Variants in TYROBP observed in about 807,000 individuals in gnomAD.
TYROBP encodes TYRO protein tyrosine kinase-binding protein.
Under a neutral mutation model 17.1 loss-of-function variants are expected in TYROBP, and 14 were observed. The observed-to-expected ratio is 0.82, with a 90% CI of 0.54 to 1.28. The LOEUF (loss-of-function observed/expected upper bound fraction) is 1.28. Among genes scored for constraint, TYROBP ranks in the 50% most tolerant of loss-of-function variants. TYROBP has a pLI of 0.00. For synonymous variants in TYROBP, 73 were observed against 67.4 expected (o/e 1.08, Z -0.41); for missense variants, 161 against 151.4 (o/e 1.06, Z -0.33).
At chr19:35,907,709 G>A in intron 2 of TYROBP, 21 bp downstream of exon 2, 6 of 1,614,080 alleles carry the variant, frequency 3.7e-6, no homozygotes, top group Non-Finnish European at 5.1e-6. Context: ...TAGAGAGAGG[G>A]ACTGCTGGGT....
intron 3 of TYROBP, 34 bp downstream of exon 3, chr19:35,907,412 A>C (rs1202768364): frequency 1.2e-6 from 2 of 1,606,904 alleles, no homozygotes; most frequent in Non-Finnish European, 8.5e-7. Flanking sequence ...CATCTAGGCA[A>C]GTCCTCAGGA....
At chr19:35,908,069 C>T in intron 1 of TYROBP, 99 bp downstream of exon 1, 1 of 1,112,860 alleles carries the variant, frequency 9.0e-7, no homozygotes, top group Non-Finnish European at 1.3e-6. Context: ...GCTCCCATCC[C>T]AACACCCACT....
intron 4 of TYROBP, among the ~76,000 whole-genome samples, chr19:35,906,806 C>T (rs1975736007): frequency 6.6e-6 from 1 of 151,426 alleles, no homozygotes; most frequent in Non-Finnish European, 1.5e-5. Context: ...TGGCTCACTG[C>T]AACCTCCGCC....
At chr19:35,907,130 T>A (rs1176470355) in intron 4 of TYROBP, 88 bp downstream of exon 4, 9 of 1,351,700 alleles carry the variant, frequency 6.7e-6, no homozygotes, top group Non-Finnish European at 9.3e-6. Context: ...AGAGTGGCTT[T>A]GAGGTCCCTC....
In TYROBP at chr19:35,907,447, C is replaced by T. The variant is rs545730787; in HGVS notation, c.228G>A (p.Glu76=). 2 of 1,613,240 alleles carry T rather than the reference C, an allele frequency of 1.2e-6. No individual in the cohort carries two copies. Among genetic ancestry groups the T allele is most frequent in the Admixed American group, 1.7e-5 (1 of 60,002 alleles). ...ATGTCCCCTGCTAGCCCCACTCACC[C>T]TCCGCAGCCCCTCGCCCCCGAGGGA... The part of the protein sequence containing the change: ...RLVPRGRGAA[E]AATRKQRITE... The change falls in exon 3 of 5, where the codon GAG becomes GAA. Residue 76 remains glutamate (E), a splice_region_variant and synonymous_variant. Transcript: ENST00000262629.
chr19:35,907,260 C>T lies in TYROBP; in HGVS notation c.234G>A (p.Ala78=), dbSNP rs866035990. 1.8e-5 allele frequency: 29 copies of T among 1,609,894 alleles called. No homozygotes were observed. The East Asian group carries it at 6.0e-4, about 33-fold the overall frequency. The part of the protein sequence containing the change: ...VPRGRGAAEA[A]TRKQRITETE... ...TCTCAGTGATACGCTGTTTCCGGGT[C>T]GCTGCTGGAGGTGAGGGGTGTTGTG... Residue 78 remains alanine, a synonymous_variant, in exon 4 of 5, where the codon GCG becomes GCA. Coordinates refer to ENST00000262629, the MANE Select transcript of TYROBP (RefSeq NM_003332.4).
At chr19:35,907,642 G>A (rs1055564821) in intron 2 of TYROBP, 62 bp from the exon 3 acceptor site, 65 of 1,612,776 alleles carry the variant, frequency 4.0e-5, no homozygotes, top group Middle Eastern at 1.6e-4. Flanking sequence ...GGGGGTCAGC[G>A]GCAGGGAGGT....
rs865968843 is a variant in TYROBP, at chr19:35,907,771, G to A, written c.62-9C>T. The A allele has an allele frequency of 6.2e-7, 1 of 1,613,628 alleles. No individual in the cohort carries two copies. The highest frequency in any genetic ancestry group is 8.5e-7 in the Non-Finnish European group (1 of 1,179,872). On this transcript the variant is annotated splice_polypyrimidine_tract_variant and intron_variant, in intron 1 of 4. Transcript: ENST00000262629. ...CTGGACAGGACGGAGACCTGAGGAG[G>A]AAAAAGAAGGTAAACTGAGGCACAG... is the stretch of plus-strand genomic sequence containing the variant.
chr19:35,904,466 A>T lies in TYROBP; in HGVS notation c.*103T>A, dbSNP rs777094340. 2.8e-4 allele frequency: 338 copies of T among 1,217,780 alleles called. No individual in the cohort carries two copies. The highest frequency in any genetic ancestry group is 1.5e-4 in the Non-Finnish European group (126 of 839,060). The allele number at this position is 1,217,780 out of a possible 1,614,324, so 75.4% of individuals were successfully genotyped here. A position where few individuals can be genotyped will look rare whatever the true frequency, so the allele number is the denominator to read the frequency against. The stretch of plus-strand genomic sequence containing the variant: ...AGCGGTCTGGTCTCTCAGGGATGGC[A>T]CTCTGTGGGTCTGTATCGCGGTAGG... On this transcript the variant is annotated 3_prime_UTR_variant, in exon 5 of 5. Coordinates refer to ENST00000262629, the MANE Select transcript of TYROBP (RefSeq NM_003332.4).
At chr19:35,907,385 ACCCAGCCC>A in intron 3 of TYROBP, 53 bp downstream of exon 3, 1 of 1,134,104 alleles carries the variant, frequency 8.8e-7, no homozygotes, top group Non-Finnish European at 1.3e-6. Flanking sequence ...CTGGGAGTTT[ACCCAGCCC>A]CCCACCCCCA....
intron 4 of TYROBP, among the ~76,000 whole-genome samples, chr19:35,904,977 A>G (rs1283178037): frequency 6.6e-6 from 1 of 151,086 alleles, no homozygotes; most frequent in Non-Finnish European, 1.5e-5. Flanking sequence ...AAAAAAAAAA[A>G]AGCCTGTTTA....
At position 35,904,646 on chromosome 19, in the gene TYROBP, G is replaced by T; in HGVS notation, c.277-12C>A. 6.2e-7 allele frequency: 1 copy of T among 1,611,288 alleles called. No individual in the cohort carries two copies. On this transcript the variant is annotated splice_polypyrimidine_tract_variant and intron_variant, in intron 4 of 4. Transcript: ENST00000262629. The stretch of plus-strand genomic sequence containing the variant: ...TGACCCTGGAGCTCCTAAAGGAATG[G>T]GGGCCATCAGTGGAAGGGACCCACC...
In TYROBP at chr19:35,907,327, T is replaced by A. The variant is rs911131203; in HGVS notation, c.230-63A>T. ...AGAGTGGTGAGTTGAGGGTGTTTTG[T>A]CATTCCAAATCAGCACCTCCATTAC... is the stretch of plus-strand genomic sequence containing the variant. On this transcript the variant is annotated intron_variant, in intron 3 of 4. Transcript: ENST00000262629. The A allele has an allele frequency of 1.9e-6, 3 of 1,607,776 alleles. No individual in the cohort carries two copies. In the African/African-American group the frequency reaches 4.0e-5, roughly 22 times the overall value.
chr19:35,907,210 T>C lies in TYROBP; in HGVS notation c.276+8A>G, dbSNP rs748268148. 1 of 1,598,914 alleles carries C rather than the reference T, an allele frequency of 6.3e-7. No homozygotes were observed. The highest frequency in any genetic ancestry group is 2.2e-5 in the East Asian group (1 of 44,520). On this transcript the variant is annotated splice_region_variant and intron_variant, in intron 4 of 4. Coordinates refer to ENST00000262629, the MANE Select transcript of TYROBP (RefSeq NM_003332.4). ...TGAAATGTGAGGAGGACAGTCTGGT[T>C]TTCTCACCTGATAAGGCGACTCGGT...
intron 4 of TYROBP, among the ~76,000 whole-genome samples, chr19:35,906,283 G>A (rs973561587): frequency 2.0e-5 from 3 of 151,982 alleles, no homozygotes; most frequent in African/African-American, 7.2e-5. Context: ...TAGAGATGGG[G>A]TTTCACCATC....
At chr19:35,907,632 G>T (rs1328265312) in intron 2 of TYROBP, 52 bp from the exon 3 acceptor site, 12 of 1,613,278 alleles carry the variant, frequency 7.4e-6, no homozygotes, top group Non-Finnish European at 8.5e-7. Flanking sequence ...CTGTGGGGAG[G>T]GGGGTCAGCG....
At chr19:35,906,297 G>A (rs946879164) in intron 4 of TYROBP, among the ~76,000 whole-genome samples, 7 of 151,984 alleles carry the variant, frequency 4.6e-5, no homozygotes, top group African/African-American at 7.2e-5. Flanking sequence ...CACCATCCTG[G>A]CCTGGCTGGT....
intron 4 of TYROBP, 125 bp downstream of exon 4, chr19:35,907,093 C>G (rs775440010): frequency 8.7e-6 from 8 of 918,830 alleles, no homozygotes; most frequent in Non-Finnish European, 1.2e-5. Context: ...GTCCCATGTG[C>G]CTTCAAGGTT....
In TYROBP at chr19:35,904,493, G is replaced by A. The variant is rs767191379; in HGVS notation, c.*76C>T. On this transcript the variant is annotated 3_prime_UTR_variant, in exon 5 of 5. Coordinates refer to ENST00000262629, the MANE Select transcript of TYROBP (RefSeq NM_003332.4). ...TCTGTGGGTCTGTATCGCGGTAGGA[G>A]TTGGAATGAGGTGCAGGGTGGGCTT... 11 of 1,469,748 alleles carry A rather than the reference G, an allele frequency of 7.5e-6. No individual in the cohort carries two copies. The highest frequency in any genetic ancestry group is 7.2e-5 in the Admixed American group (4 of 55,862). 91.0% of individuals were successfully genotyped at this position (1,469,748 alleles called of 1,614,324 possible). A position where few individuals can be genotyped will look rare whatever the true frequency, so the allele number is the denominator to read the frequency against.
Sources: gnomAD v4.1 joint callset for allele counts (sites outside exome capture counted in the v4.1 genomes callset) on GRCh38, gnomAD v4.1.1 for gene constraint, MANE v1.5 for transcripts, NCBI Gene and HGNC (gene_info 2026-07-23, HGNC 2026-07-21) for gene names.